SHPRH: variants seen among roughly 807,000 people sequenced by gnomAD.
SHPRH encodes E3 ubiquitin-protein ligase SHPRH.
A neutral mutation model predicts 202.5 loss-of-function variants in SHPRH; 106 were observed. The ratio of observed to expected loss-of-function variants is 0.52; its 90% CI spans 0.45 to 0.62. SHPRH has a LOEUF of 0.62. Ranked by LOEUF, SHPRH falls within the 20% of genes least tolerant of loss-of-function variation. The pLI, the probability that SHPRH is intolerant of heterozygous loss-of-function variation, is 0.00. For synonymous variants in SHPRH, 729 were observed against 686.0 expected, an observed-to-expected ratio of 1.06 and a Z score of -0.98; for missense variants, 1,710 against 2,020.0, an observed-to-expected ratio of 0.85 and a Z score of 2.94.
At chr6:145,944,631 T>C (rs1051615338) in intron 8 of SHPRH, among the ~76,000 whole-genome samples, 7 of 152,088 alleles carry the variant, frequency 4.6e-5, no homozygotes, top group South Asian at 2.1e-4. Context: ...AAGGATAATA[T>C]AGACTCCCTA....
At position 145,945,650 on chromosome 6, in the gene SHPRH, G is replaced by A. The variant is rs747857348; in HGVS notation, c.1322-13C>T. On this transcript the variant is annotated splice_polypyrimidine_tract_variant and intron_variant, in intron 7 of 29. Transcript: ENST00000275233. ...ATCACACGTGTAGCTAAATGTAAAAGGATATGCTAAATCAGTCAAAATAAT... is the reference window on the plus strand; with the variant it reads ...ATCACACGTGTAGCTAAATGTAAAAAGATATGCTAAATCAGTCAAAATAAT... 33 of 1,586,420 alleles carry A rather than the reference G, an allele frequency of 2.1e-5. No homozygotes were observed. Among genetic ancestry groups the A allele is most frequent in the Non-Finnish European group, 2.8e-5 (33 of 1,169,522 alleles).
chr6:145,948,191 T>A, intron 5 of SHPRH, 81 bp downstream of exon 5: 1 of 1,048,578 alleles, frequency 9.5e-7, no homozygotes, highest in Non-Finnish European at 1.4e-6. Context: ...GAGTCAAAGT[T>A]ACAGATATGC....
chr6:145,929,741 A>C (rs1033804597), intron 14 of SHPRH, among the ~76,000 whole-genome samples: 9 of 152,016 alleles, frequency 5.9e-5, no homozygotes, highest in African/African-American at 2.2e-4. Context: ...TAGAGGGAAG[A>C]TTTGCACACA....
In SHPRH at chr6:145,926,487, C is replaced by A. The variant is rs1412707647; in HGVS notation, c.3202-191G>T. Among the ~76,000 whole-genome samples, 4 of 151,914 alleles carry A rather than the reference C, an allele frequency of 2.6e-5. No individual in the cohort carries two copies. In the South Asian group the frequency reaches 6.2e-4, roughly 24 times the overall value. ...AAGGGCAGGGTGTTAAGGTCTAGGACCTGCCTTTTGTAACCCTTATCCATG... is the reference window on the plus strand; with the variant it reads ...AAGGGCAGGGTGTTAAGGTCTAGGAACTGCCTTTTGTAACCCTTATCCATG... On this transcript the variant is annotated intron_variant, in intron 15 of 29. Transcript: ENST00000275233.
At chr6:145,933,285 T>C (rs1445585406) in intron 13 of SHPRH, 107 bp from the exon 14 acceptor site, 2 of 1,488,408 alleles carry the variant, frequency 1.3e-6, no homozygotes, top group Non-Finnish European at 9.0e-7. Flanking sequence ...CTCGCAGTTT[T>C]TGTGGTATCT....
At chr6:145,912,127 C>G (rs1197612255) in intron 24 of SHPRH, among the ~76,000 whole-genome samples, 1 of 151,600 alleles carries the variant, frequency 6.6e-6, no homozygotes, top group African/African-American at 2.4e-5. Flanking sequence ...TTAGGAGTGA[C>G]AGGAAGCTGA....
chr6:145,888,455 G>T (rs1781296085), intron 28 of SHPRH, among the ~76,000 whole-genome samples: 1 of 152,094 alleles, frequency 6.6e-6, no homozygotes, highest in Admixed American at 6.6e-5. Context: ...ACAGTCCCCG[G>T]GAAGGGAATA....
At chr6:145,870,858 A>C (rs747016820) in intron 2 of SHPRH, 3 of 152,144 alleles carry the variant, frequency 2.0e-5, no homozygotes, top group Non-Finnish European at 4.4e-5. Flanking sequence ...GTTTATTAAG[A>C]ATGGGTGTTG....
At chr6:145,946,492 A>G (rs1054302058) in intron 6 of SHPRH, 151 bp from the exon 7 acceptor site, 16 of 513,030 alleles carry the variant, frequency 3.1e-5, no homozygotes, top group Non-Finnish European at 5.4e-5. Context: ...ATACATACAC[A>G]GTTTTATTTC....
In SHPRH at chr6:145,901,669, C is replaced by T. The variant is rs80273297; in HGVS notation, c.4516-6692G>A. Among the ~76,000 whole-genome samples, 635 of 152,146 alleles carry T rather than the reference C, an allele frequency of 4.2e-3. 17 individuals are homozygous for T. The East Asian group carries it at 0.071, about 17-fold the overall frequency. ...ATGTTATGCATTAGGGAAGACTGTA[C>T]ATGGGAACAGAAATCCCATACAACT... On this transcript the variant is annotated intron_variant, in intron 25 of 29. Transcript: ENST00000275233.
chr6:145,892,790 A>C (rs1463307536), intron 28 of SHPRH, among the ~76,000 whole-genome samples: 1 of 152,092 alleles, frequency 6.6e-6, no homozygotes, highest in Non-Finnish European at 1.5e-5. Flanking sequence ...AAAAGGAGCC[A>C]TTTATTTTCA....
downstream of SHPRH, among the ~76,000 whole-genome samples, chr6:145,860,557 A>C (rs926107610): frequency 3.3e-5 from 5 of 152,076 alleles, no homozygotes; most frequent in Non-Finnish European, 5.9e-5. Flanking sequence ...TGATATTGTT[A>C]AAATGTCCAT....
chr6:145,920,060 A>ATT (rs1430674868), intron 21 of SHPRH, among the ~76,000 whole-genome samples: 2 of 152,086 alleles, frequency 1.3e-5, no homozygotes, highest in Non-Finnish European at 2.9e-5. Flanking sequence ...ATTCTTAATA[A>ATT]TTCAGTTATA....
chr6:145,877,265 T>C (rs994743549), intron 2 of SHPRH, among the ~76,000 whole-genome samples: 3 of 152,246 alleles, frequency 2.0e-5, no homozygotes, highest in African/African-American at 7.2e-5. Context: ...TGTACCATTT[T>C]ACATTCCTAC....
In SHPRH at chr6:145,935,371, G is replaced by C. The variant is rs928075657; in HGVS notation, c.2640C>G (p.Leu880=). 3 of 1,614,066 alleles carry C rather than the reference G, an allele frequency of 1.9e-6. No homozygotes were observed. The highest frequency in any genetic ancestry group is 2.5e-6 in the Non-Finnish European group (3 of 1,179,996). ...YCVKHWWVRL[L]YRPYCKKNPQ... ...GATTCTTCTTGCAGTAAGGCCGATA[G>C]AGAAGTCGAACCCACCAGTGTTTGA... Residue 880 remains leucine, a synonymous_variant, in exon 12 of 30, where the codon CTC becomes CTG. Coordinates refer to ENST00000275233, the MANE Select transcript of SHPRH (RefSeq NM_001042683.3).
chr6:145,912,331 A>T (rs1263353167), intron 24 of SHPRH, among the ~76,000 whole-genome samples: 10 of 152,126 alleles, frequency 6.6e-5, no homozygotes. Flanking sequence ...TTTTATTACT[A>T]TTATTGAAAT....
At chr6:145,935,243 T>C (rs372561411) in intron 12 of SHPRH, 35 bp downstream of exon 12, 10 of 1,610,812 alleles carry the variant, frequency 6.2e-6, no homozygotes, top group East Asian at 2.2e-5. Context: ...TTTTCTCTTA[T>C]AGTACCTTTA....
chr6:145,885,483 G>C lies in SHPRH; in HGVS notation c.*1208C>G, dbSNP rs1170176120. ...GAGTTTTCCAGGCAGCTAACTGGGA[G>C]CTAATAAGTCCTGAGGGTCAAAGAG... On this transcript the variant is annotated 3_prime_UTR_variant, in exon 30 of 30. Coordinates refer to ENST00000275233, the MANE Select transcript of SHPRH (RefSeq NM_001042683.3). 1 of 152,218 alleles carries C rather than the reference G, an allele frequency of 6.6e-6. No individual in the cohort carries two copies. Among genetic ancestry groups the C allele is most frequent in the Non-Finnish European group, 1.5e-5 (1 of 68,020 alleles). The allele number at this position is 152,218 out of a possible 1,614,324, so 9.4% of individuals were successfully genotyped here.
rs1373021078 is a variant in SHPRH at position 145,943,398 on chromosome 6, A to G, written c.1983T>C (p.Cys661=). 2 of 1,614,048 alleles carry G rather than the reference A, an allele frequency of 1.2e-6. No individual in the cohort carries two copies. Among genetic ancestry groups the G allele is most frequent in the South Asian group, 2.2e-5 (2 of 91,084 alleles). Residue 661 remains cysteine, a synonymous_variant, in exon 9 of 30, where the codon TGT becomes TGC. Transcript: ENST00000275233. ...PFNTSDYRFE[C]ICGELDQIDR... is the part of the protein sequence containing the mutation. ...CTATCTGATCAAGTTCACCACATATACACTCAAAGCGGTAATCAGAGGTGT... is the reference window on the plus strand; with the variant it reads ...CTATCTGATCAAGTTCACCACATATGCACTCAAAGCGGTAATCAGAGGTGT...
Sources: allele counts gnomAD v4.1 joint callset (sites outside exome capture counted in the v4.1 genomes callset), GRCh38; gene constraint gnomAD v4.1.1; transcripts MANE v1.5; gene names NCBI Gene and HGNC (gene_info 2026-07-23, HGNC 2026-07-21).